MAML3: variants seen among roughly 807,000 people sequenced by gnomAD.
MAML3 encodes mastermind like transcriptional coactivator 3.
Under a neutral mutation model 101.9 loss-of-function variants are expected in MAML3, and 27 were observed. The ratio of observed to expected loss-of-function variants is 0.27; its 90% CI spans 0.20 to 0.37. MAML3 has a LOEUF of 0.37. Among genes scored for constraint, MAML3 ranks in the 10% least tolerant of loss-of-function variants. MAML3 has a pLI of 1.00. For missense variants in MAML3, 1,316 were observed against 1,444.9 expected, an observed-to-expected ratio of 0.91 and a Z score of 1.45; for synonymous variants, 501 against 555.9, an observed-to-expected ratio of 0.90 and a Z score of 1.39.
chr4:139,806,818 T>C (rs1466344059), intron 2 of MAML3, among the ~76,000 whole-genome samples: 5 of 152,296 alleles, frequency 3.3e-5, no homozygotes, highest in Admixed American at 2.0e-4. Flanking sequence ...CAAAGTAGGA[T>C]ACAAAACCAA....
intron 1 of MAML3, among the ~76,000 whole-genome samples, chr4:140,065,806 C>A (rs1727527119): frequency 1.3e-5 from 2 of 152,208 alleles, no homozygotes; most frequent in South Asian, 4.1e-4. Flanking sequence ...GGGTTTTCCT[C>A]TGCCCAGCCC....
chr4:139,989,346 G>C (rs1446963493), intron 1 of MAML3, among the ~76,000 whole-genome samples: 1 of 152,184 alleles, frequency 6.6e-6, no homozygotes, highest in Non-Finnish European at 1.5e-5. Context: ...CTTGCCCAGA[G>C]AGGCGGCCAG....
At chr4:140,045,963 T>C (rs1339163154) in intron 1 of MAML3, among the ~76,000 whole-genome samples, 1 of 152,208 alleles carries the variant, frequency 6.6e-6, no homozygotes, top group Non-Finnish European at 1.5e-5. Context: ...GAATAGTATA[T>C]GCAAAGGGAG....
intron 1 of MAML3, among the ~76,000 whole-genome samples, chr4:140,079,249 G>T (rs1727826993): frequency 6.6e-6 from 1 of 152,030 alleles, no homozygotes; most frequent in Non-Finnish European, 1.5e-5. Flanking sequence ...CTTCTGAAAG[G>T]AGGAAACATG....
intron 2 of MAML3, among the ~76,000 whole-genome samples, chr4:139,873,920 T>C (rs1381223123): frequency 1.3e-5 from 2 of 152,260 alleles, no homozygotes; most frequent in Non-Finnish European, 2.9e-5. Context: ...TGAGCATAAG[T>C]TGTTACACAG....
At chr4:139,882,360 A>G (rs1732235658) in intron 2 of MAML3, among the ~76,000 whole-genome samples, 1 of 152,102 alleles carries the variant, frequency 6.6e-6, no homozygotes. Context: ...GATACAGTGA[A>G]TGAAAAAGAG....
intron 2 of MAML3, among the ~76,000 whole-genome samples, chr4:139,883,889 CTTTTTTTTT>C (rs70943452): frequency 1.3e-5 from 1 of 74,324 alleles, no homozygotes; most frequent in Non-Finnish European, 2.5e-5. Context: ...AATTGCTTGT[CTTTTTTTTT>C]TTTTTTTTTT....
At chr4:140,088,444 T>C (rs1270325535) in intron 1 of MAML3, among the ~76,000 whole-genome samples, 1 of 152,156 alleles carries the variant, frequency 6.6e-6, no homozygotes, top group East Asian at 1.9e-4. Flanking sequence ...TCAACAGTTA[T>C]CTCTATGTCC....
At chr4:140,147,687 TTTGA>T (rs1425541031) in intron 1 of MAML3, among the ~76,000 whole-genome samples, 1 of 152,228 alleles carries the variant, frequency 6.6e-6, no homozygotes, top group Non-Finnish European at 1.5e-5. Flanking sequence ...CTGATGTCTG[TTTGA>T]TTGATTTCAC....
intron 1 of MAML3, among the ~76,000 whole-genome samples, chr4:140,103,712 A>G (rs1728288038): frequency 6.6e-6 from 1 of 152,354 alleles, no homozygotes; most frequent in South Asian, 2.1e-4. Context: ...CAAATATGAG[A>G]CACAGCAGGA....
chr4:139,905,464 C>G (rs2111217105), intron 1 of MAML3, among the ~76,000 whole-genome samples: 1 of 121,878 alleles, frequency 8.2e-6, no homozygotes, highest in East Asian at 2.4e-4. Flanking sequence ...TGCACTCCAG[C>G]CCGGGCGGCA....
Position 140,104,153 on chromosome 4 carries a change from G to A in MAML3, c.468+48707C>T, listed in dbSNP as rs530970389. 3.4e-4 allele frequency among the ~76,000 whole-genome samples: 51 copies of A among 150,996 alleles called. 1 individual carries two copies. In the South Asian group the frequency reaches 6.9e-3, roughly 20 times the overall value. Reference sequence around the variant, plus strand: ...GTAATCCAGCACTTTGGGAGGCCAAGGTGGGAGGATCACTTGAGCCCAGGA... The same window carrying A: ...GTAATCCAGCACTTTGGGAGGCCAAAGTGGGAGGATCACTTGAGCCCAGGA... On this transcript the variant is annotated intron_variant, in intron 1 of 4. Coordinates refer to ENST00000509479, the MANE Select transcript of MAML3 (RefSeq NM_018717.5).
chr4:140,153,140 C>G lies in MAML3; in HGVS notation c.188G>C (p.Gly63Ala), dbSNP rs1198550565. 7 of 1,550,174 alleles carry G rather than the reference C, an allele frequency of 4.5e-6. No homozygotes were observed. Among genetic ancestry groups the G allele is most frequent in the Non-Finnish European group, 6.1e-6 (7 of 1,146,764 alleles). ...GCTGTGCTTGGGAACGGCCGCCGAA[C>G]CGCCGCCGGGGCCCCCGGAGCCGCC... Reference protein sequence around the residue: ...GCGGSGGPGGGSAAVPKHSTV... With the variant: ...GCGGSGGPGGASAAVPKHSTV... The change falls in exon 1 of 5, where the codon GGT becomes GCT. Residue 63 changes from glycine to alanine, a missense_variant. By Grantham distance (60) the Gly-to-Ala change is moderately conservative. Coordinates refer to ENST00000509479, the MANE Select transcript of MAML3 (RefSeq NM_018717.5).
intron 1 of MAML3, among the ~76,000 whole-genome samples, chr4:140,109,219 C>A (rs1456990166): frequency 6.6e-6 from 1 of 152,056 alleles, no homozygotes; most frequent in African/African-American, 2.4e-5. Flanking sequence ...AAAAGGAACC[C>A]CTCCACAGTT....
chr4:140,126,434 C>T (rs1728687285), intron 1 of MAML3, among the ~76,000 whole-genome samples: 1 of 152,130 alleles, frequency 6.6e-6, no homozygotes, highest in Non-Finnish European at 1.5e-5. Context: ...GTCCTTATCT[C>T]GCTGCATGTG....
intron 1 of MAML3, among the ~76,000 whole-genome samples, chr4:140,102,462 A>T (rs1287495800): frequency 6.6e-6 from 1 of 152,222 alleles, no homozygotes; most frequent in Non-Finnish European, 1.5e-5. Context: ...CTTGGCTTGC[A>T]GATGGCCGCC....
intron 1 of MAML3, among the ~76,000 whole-genome samples, chr4:140,124,453 G>A (rs561011118): frequency 6.6e-6 from 1 of 152,308 alleles, no homozygotes; most frequent in African/African-American, 2.4e-5. Flanking sequence ...GAGTTTCTAG[G>A]AGGGAAACAC....
chr4:140,081,821 C>T lies in MAML3; in HGVS notation c.468+71039G>A, dbSNP rs149768348. On this transcript the variant is annotated intron_variant, in intron 1 of 4. Coordinates refer to ENST00000509479, the MANE Select transcript of MAML3 (RefSeq NM_018717.5). ...AACAAGGCCTCTTCCCATCAAAGGCCACTGTGGAATGTAGCTGGAGTTGTT... is the reference window on the plus strand; with the variant it reads ...AACAAGGCCTCTTCCCATCAAAGGCTACTGTGGAATGTAGCTGGAGTTGTT... 1.4e-4 allele frequency among the ~76,000 whole-genome samples: 21 copies of T among 152,260 alleles called. No individual in the cohort carries two copies. In the East Asian group the frequency reaches 4.0e-3, roughly 29 times the overall value.
intron 1 of MAML3, among the ~76,000 whole-genome samples, chr4:139,944,758 C>G (rs1309959672): frequency 1.4e-5 from 2 of 146,238 alleles, no homozygotes; most frequent in African/African-American, 5.1e-5. Context: ...GATACCATCT[C>G]ACACCAGTTA....
Sources: gnomAD v4.1 joint callset for allele counts (sites outside exome capture counted in the v4.1 genomes callset) on GRCh38, gnomAD v4.1.1 for gene constraint, MANE v1.5 for transcripts, NCBI Gene and HGNC (gene_info 2026-07-23, HGNC 2026-07-21) for gene names.